Variants in COPG2 observed in about 807,000 individuals in gnomAD.
COPG2 encodes coatomer subunit gamma-2.
Under a neutral mutation model 46.3 loss-of-function variants are expected in COPG2, and 37 were observed. The ratio of observed to expected loss-of-function variants is 0.80; its 90% CI spans 0.61 to 1.05. COPG2 has a LOEUF of 1.05. Among genes scored for constraint, COPG2 ranks in the 50% least tolerant of loss-of-function variants. The pLI is 0.00. For missense variants in COPG2, 427 were observed against 387.8 expected, an observed-to-expected ratio of 1.10 and a Z score of -0.85; for synonymous variants, 159 against 129.7, an observed-to-expected ratio of 1.23 and a Z score of -1.53.
chr7:130,619,505 C>T (rs782747977), intron 5 of COPG2, among the ~76,000 whole-genome samples: 2 of 152,120 alleles, frequency 1.3e-5, no homozygotes, highest in African/African-American at 4.8e-5. Flanking sequence ...TCTGCCCTCC[C>T]GTGTATCTCC....
chr7:130,596,602 G>A (rs1794531373), intron 9 of COPG2, among the ~76,000 whole-genome samples: 1 of 152,204 alleles, frequency 6.6e-6, no homozygotes, highest in South Asian at 2.1e-4. Flanking sequence ...AAGGCAGCCA[G>A]CCAAGGGAAC....
At chr7:130,557,142 G>C (rs1030604779) in intron 12 of COPG2, among the ~76,000 whole-genome samples, 2 of 151,952 alleles carry the variant, frequency 1.3e-5, no homozygotes, top group East Asian at 3.9e-4. Context: ...AAACTAACTC[G>C]ATAATTCACC....
intron 20 of COPG2, among the ~76,000 whole-genome samples, chr7:130,522,897 C>G (rs896837691): frequency 1.3e-5 from 2 of 150,932 alleles, no homozygotes; most frequent in African/African-American, 4.9e-5. Context: ...GTGGGTGGAT[C>G]GCTTGAGGTC....
At chr7:130,633,078 C>T (rs958536317) in intron 5 of COPG2, among the ~76,000 whole-genome samples, 1 of 152,128 alleles carries the variant, frequency 6.6e-6, no homozygotes, top group Non-Finnish European at 1.5e-5. Context: ...ATGAACTCAT[C>T]CTTTTTTATG....
chr7:130,509,244 A>G (rs1648239042), intron 20 of COPG2: 2 of 508,316 alleles, frequency 3.9e-6, no homozygotes, highest in Admixed American at 2.0e-5. Context: ...AGTGTCTTAA[A>G]TGGAAAAGCA....
intron 4 of COPG2, among the ~76,000 whole-genome samples, chr7:130,658,715 C>CT (rs1795907792): frequency 6.6e-6 from 1 of 151,418 alleles, no homozygotes; most frequent in South Asian, 2.1e-4. Flanking sequence ...GAGTCTTGCA[C>CT]TGTTACCTGG....
At chr7:130,511,751 T>C (rs772800298) in intron 20 of COPG2, 65 of 517,226 alleles carry the variant, frequency 1.3e-4, no homozygotes, top group Non-Finnish European at 1.5e-4. Flanking sequence ...TAGAATGGGG[T>C]ATCCTGTCTA....
chr7:130,668,505 T>C, intron 1 of COPG2, 127 bp downstream of exon 1: 3 of 754,544 alleles, frequency 4.0e-6, no homozygotes, highest in Non-Finnish European at 5.7e-6. Flanking sequence ...AGGGGCCGGC[T>C]CCAGCTCCGG....
At chr7:130,545,315 C>G (rs1328183617) in intron 20 of COPG2, among the ~76,000 whole-genome samples, 1 of 152,106 alleles carries the variant, frequency 6.6e-6, no homozygotes, top group African/African-American at 2.4e-5. Context: ...ATATTCCCTT[C>G]TATTATGCTA....
intron 20 of COPG2, among the ~76,000 whole-genome samples, chr7:130,541,152 G>C (rs1178396699): frequency 1.3e-5 from 2 of 152,140 alleles, no homozygotes; most frequent in African/African-American, 4.8e-5. Flanking sequence ...CGACAGATCA[G>C]GACAAAGATG....
Position 130,531,842 on chromosome 7 carries a change from G to A in COPG2, c.2149+15832C>T, listed in dbSNP as rs1194448695. On this transcript the variant is annotated intron_variant, in intron 20 of 23. Transcript: ENST00000425248. ...AGCAGTGATTCTTATCTGGGATGGG[G>A]GGGTGGGTTTCACCCGAGGGAGGGC... is the stretch of plus-strand genomic sequence containing the variant. Among the ~76,000 whole-genome samples, 4 of 152,044 alleles carry A rather than the reference G, an allele frequency of 2.6e-5. No individual in the cohort carries two copies. In the East Asian group the frequency reaches 5.8e-4, roughly 22 times the overall value.
chr7:130,578,748 G>C (rs1302476433), intron 9 of COPG2, among the ~76,000 whole-genome samples: 1 of 152,066 alleles, frequency 6.6e-6, no homozygotes, highest in Non-Finnish European at 1.5e-5. Context: ...AAGGGTATCA[G>C]CAATGGAAGA....
intron 9 of COPG2, among the ~76,000 whole-genome samples, chr7:130,577,781 A>C (rs1389958685): frequency 0.032 from 4,822 of 150,852 alleles, 88 homozygotes; most frequent in East Asian, 0.048. Context: ...AAAAAAAAAA[A>C]AAAAAAACAA....
At chr7:130,530,048 T>A (rs950634456) in intron 20 of COPG2, among the ~76,000 whole-genome samples, 8 of 151,572 alleles carry the variant, frequency 5.3e-5, no homozygotes, top group Non-Finnish European at 8.8e-5. Flanking sequence ...AGGGTCAGGG[T>A]GTCGGGTGCT....
chr7:130,577,195 G>A (rs1038281476), intron 9 of COPG2, among the ~76,000 whole-genome samples: 6 of 152,326 alleles, frequency 3.9e-5, no homozygotes, highest in East Asian at 3.9e-4. Flanking sequence ...AACAGCTCCC[G>A]TCTACAGCTC....
In COPG2 at chr7:130,526,768, T is replaced by C. The variant is rs942072953; in HGVS notation, c.2150-18109A>G. On this transcript the variant is annotated intron_variant, in intron 20 of 23. Coordinates refer to ENST00000425248, the MANE Select transcript of COPG2 (RefSeq NM_012133.6). ...ACTGCTCTTAAAGCCTTGAACTTTG[T>C]TGCAAAGGTGTGAATCTTGGGCCAG... is the stretch of plus-strand genomic sequence containing the variant. Among the ~76,000 whole-genome samples, 21 of 150,852 alleles carry C rather than the reference T, an allele frequency of 1.4e-4. 1 individual carries two copies. Among genetic ancestry groups the C allele is most frequent in the Admixed American group, 7.3e-4 (11 of 15,130 alleles).
At chr7:130,613,452 G>T in intron 7 of COPG2, 92 bp downstream of exon 7, 1 of 806,016 alleles carries the variant, frequency 1.2e-6, no homozygotes, top group Non-Finnish European at 2.1e-6. Flanking sequence ...ATTTTTAACT[G>T]TTTCATTTGT....
chr7:130,648,692 CCAGTT>C (rs1795668362), intron 5 of COPG2, among the ~76,000 whole-genome samples: 1 of 152,204 alleles, frequency 6.6e-6, no homozygotes, highest in Admixed American at 6.5e-5. Flanking sequence ...ATTCTGAAAT[CCAGTT>C]AGGCAACCTG....
rs1205677638 is a variant in COPG2, at chr7:130,513,290, T to TAAAAAAA, written c.2150-4638_2150-4632dup. 1.2e-3 allele frequency among the ~76,000 whole-genome samples: 25 copies of TAAAAAAA among 20,286 alleles called. 2 individuals carry two copies. Among genetic ancestry groups the TAAAAAAA allele is most frequent in the South Asian group, 3.0e-3 (1 of 338 alleles). The allele number at this position is 20,286 out of a possible 152,430, so 13.3% of individuals were successfully genotyped here. On this transcript the variant is annotated intron_variant, in intron 20 of 23. Transcript: ENST00000425248. The stretch of plus-strand genomic sequence containing the variant: ...GTGACAAGAGTGAAATAATTCTGTC[T>TAAAAAAA]AAAAAAAAAAAAAAAAAAATATATA...
Sources: allele counts gnomAD v4.1 joint callset (sites outside exome capture counted in the v4.1 genomes callset), GRCh38; gene constraint gnomAD v4.1.1; transcripts MANE v1.5; gene names NCBI Gene and HGNC (gene_info 2026-07-23, HGNC 2026-07-21).